The following DCDC1 variants were observed in gnomAD, a reference collection of about 807,000 sequenced individuals.
The protein encoded by DCDC1 is doublecortin domain containing 1.
Under a neutral mutation model 178.3 loss-of-function variants are expected in DCDC1, and 200 were observed. The observed-to-expected ratio is 1.12, with a 90% CI of 1.00 to 1.26. DCDC1 has a LOEUF of 1.26. DCDC1 is among the 50% of genes most tolerant of loss of function. DCDC1 has a pLI of 0.00. For synonymous variants in DCDC1, 690 were observed against 604.8 expected (o/e 1.14, Z -2.07); for missense variants, 1,983 against 1,749.2 (o/e 1.13, Z -2.38).
chr11:31,321,627 C>G (rs919806228), intron 3 of DCDC1, among the ~76,000 whole-genome samples: 2 of 150,948 alleles, frequency 1.3e-5, no homozygotes, highest in African/African-American at 4.8e-5. Flanking sequence ...GCGTCGCTCA[C>G]GCTGGGAGCT....
In DCDC1 at chr11:31,327,450, G is replaced by GT. The variant is rs540587639; in HGVS notation, c.164+666dup. Reference sequence around the variant, plus strand: ...CTTCCAAAGTGCTGGGATTACAGGCGTGAGTAACTGCACCCAGCCTCTAGT... The same window carrying GT: ...CTTCCAAAGTGCTGGGATTACAGGCGTTGAGTAACTGCACCCAGCCTCTAGT... On this transcript the variant is annotated intron_variant, in intron 3 of 38. Coordinates refer to ENST00000684477, the MANE Select transcript of DCDC1 (RefSeq NM_001387274.1). Among the ~76,000 whole-genome samples the GT allele has an allele frequency of 4.3e-4, 65 of 152,088 alleles. 1 individual carries two copies. Among genetic ancestry groups the GT allele is most frequent in the Middle Eastern group, 3.4e-3 (1 of 294 alleles).
chr11:30,910,264 C>A (rs981366674), intron 28 of DCDC1, among the ~76,000 whole-genome samples: 2 of 152,142 alleles, frequency 1.3e-5, no homozygotes, highest in Admixed American at 6.5e-5. Flanking sequence ...TTGGGAGAAA[C>A]CATCCATATC....
intron 9 of DCDC1, among the ~76,000 whole-genome samples, chr11:31,240,910 CA>C (rs1196492321): frequency 6.6e-6 from 1 of 151,914 alleles, no homozygotes; most frequent in Non-Finnish European, 1.5e-5. Context: ...AATTAAAGGA[CA>C]AAATCCGGTT....
chr11:31,118,492 A>T (rs1035384924), intron 11 of DCDC1, among the ~76,000 whole-genome samples: 2 of 152,170 alleles, frequency 1.3e-5, no homozygotes, highest in African/African-American at 4.8e-5. Flanking sequence ...ATGCTCGATA[A>T]CGTTCATGGT....
intron 35 of DCDC1, among the ~76,000 whole-genome samples, chr11:30,893,307 T>C (rs1168913148): frequency 6.6e-6 from 1 of 152,244 alleles, no homozygotes; most frequent in Non-Finnish European, 1.5e-5. Flanking sequence ...GACTTTTGCA[T>C]GATGTTTCTC....
chr11:31,132,288 A>G (rs1962539629), intron 10 of DCDC1, among the ~76,000 whole-genome samples: 1 of 152,228 alleles, frequency 6.6e-6, no homozygotes, highest in Admixed American at 6.5e-5. Flanking sequence ...CATATTCATA[A>G]GGTCTTTTAT....
intron 9 of DCDC1, among the ~76,000 whole-genome samples, chr11:31,233,575 A>G (rs1026695415): frequency 6.6e-6 from 1 of 152,210 alleles, no homozygotes; most frequent in Non-Finnish European, 1.5e-5. Flanking sequence ...ATGCCACACT[A>G]TATAGTTCAC....
In DCDC1 at chr11:30,892,841, C is replaced by A. The variant is rs1943901431; in HGVS notation, c.5059G>T (p.Ala1687Ser). ...NGGRPEDGTY[A>S]WGKTISELLQ... ...ACCTCTGAAATAGTTTTGCCCCAGG[C>A]ATAAGTGCCATCTTCAGGTCTGCCT... The change falls in exon 36 of 39, where the codon GCC becomes TCC. Residue 1687 changes from alanine (A) to serine (S), a missense_variant. By Grantham distance (99) the Ala-to-Ser change is moderately conservative (BLOSUM62 1). Transcript: ENST00000684477. 7 of 1,613,748 alleles carry A rather than the reference C, an allele frequency of 4.3e-6. No individual in the cohort carries two copies. The East Asian group carries it at 1.6e-4, about 36-fold the overall frequency.
intron 9 of DCDC1, among the ~76,000 whole-genome samples, chr11:31,235,063 T>C (rs1010177490): frequency 4.6e-5 from 7 of 152,162 alleles, no homozygotes; most frequent in Admixed American, 1.3e-4. Flanking sequence ...CCAATATGAT[T>C]AGAAATTTCC....
At chr11:31,139,907 T>C (rs1316822849) in intron 9 of DCDC1, among the ~76,000 whole-genome samples, 3 of 152,150 alleles carry the variant, frequency 2.0e-5, no homozygotes, top group African/African-American at 7.2e-5. Flanking sequence ...AAGAAATAAA[T>C]GGTCATCAAA....
chr11:31,324,065 C>G (rs1194664649), intron 3 of DCDC1, among the ~76,000 whole-genome samples: 1 of 151,986 alleles, frequency 6.6e-6, no homozygotes, highest in Non-Finnish European at 1.5e-5. Flanking sequence ...TTTCCAACTG[C>G]AGAGCAATTT....
rs1309142936 is a variant in DCDC1 at position 31,015,953 on chromosome 11, A to G, written c.2591+48516T>C. On this transcript the variant is annotated intron_variant, in intron 20 of 38. Coordinates refer to ENST00000684477, the MANE Select transcript of DCDC1 (RefSeq NM_001387274.1). ...TCTAACATGCAAAGGTCAAAATGAT[A>G]CCATAAAAAATACACTCCATTTTCT... Among the ~76,000 whole-genome samples the G allele has an allele frequency of 3.3e-5, 5 of 152,356 alleles. No individual in the cohort carries two copies. The South Asian group carries it at 6.2e-4, about 19-fold the overall frequency.
chr11:31,167,199 G>A (rs1966843715), intron 9 of DCDC1, among the ~76,000 whole-genome samples: 1 of 152,124 alleles, frequency 6.6e-6, no homozygotes, highest in Non-Finnish European at 1.5e-5. Context: ...AAGAAAAATT[G>A]TTGGATGTCC....
chr11:30,872,636 G>A (rs1941692708), intron 38 of DCDC1, among the ~76,000 whole-genome samples: 1 of 151,898 alleles, frequency 6.6e-6, no homozygotes, highest in South Asian at 2.1e-4. Context: ...CCTCTGCCTG[G>A]TACTCCGTTC....
chr11:31,163,955 C>A (rs1966543720), intron 9 of DCDC1, among the ~76,000 whole-genome samples: 1 of 152,208 alleles, frequency 6.6e-6, no homozygotes, highest in East Asian at 1.9e-4. Context: ...TTTTCTTAGA[C>A]AGTCCTATTT....
At chr11:30,868,998 C>G (rs930738912) in intron 38 of DCDC1, among the ~76,000 whole-genome samples, 2 of 152,220 alleles carry the variant, frequency 1.3e-5, no homozygotes, top group African/African-American at 4.8e-5. Context: ...GCATGTGGTT[C>G]AGAGAGCAGC....
At chr11:30,928,232 G>A (rs57647656) in intron 22 of DCDC1, among the ~76,000 whole-genome samples, 3,418 of 151,978 alleles carry the variant, frequency 0.022, 135 homozygotes, top group African/African-American at 0.076. Flanking sequence ...TGCATTTGCC[G>A]GCTCCTCTTC....
At chr11:31,203,297 A>C (rs1971508079) in intron 9 of DCDC1, among the ~76,000 whole-genome samples, 1 of 152,228 alleles carries the variant, frequency 6.6e-6, no homozygotes, top group African/African-American at 2.4e-5. Context: ...GAGCAAGTGG[A>C]TACTAAAAAT....
Position 31,041,819 on chromosome 11 carries a change from T to C in DCDC1, c.2591+22650A>G, listed in dbSNP as rs189797714. ...ACCATTTCATCTTACTGCCTCTAGA[T>C]GACCTTTATGGAGAAATCATTATGG... is the stretch of plus-strand genomic sequence containing the variant. On this transcript the variant is annotated intron_variant, in intron 20 of 38. Coordinates refer to ENST00000684477, the MANE Select transcript of DCDC1 (RefSeq NM_001387274.1). Among the ~76,000 whole-genome samples the C allele has an allele frequency of 3.2e-3, 493 of 152,330 alleles. 3 individuals carry two copies. Among genetic ancestry groups the C allele is most frequent in the African/African-American group, 0.011 (474 of 41,576 alleles).
Sources: gnomAD v4.1 joint callset for allele counts (sites outside exome capture counted in the v4.1 genomes callset) on GRCh38, gnomAD v4.1.1 for gene constraint, MANE v1.5 for transcripts, NCBI Gene and HGNC (gene_info 2026-07-23, HGNC 2026-07-21) for gene names.